The following MLPH variants were observed in gnomAD, a reference collection of about 807,000 sequenced individuals.
The protein encoded by MLPH is melanophilin.
Under a neutral mutation model 72.1 loss-of-function variants are expected in MLPH, and 51 were observed. The observed-to-expected ratio is 0.71, with a 90% CI of 0.56 to 0.89. The LOEUF (loss-of-function observed/expected upper bound fraction) is 0.89, where lower values mean the gene tolerates loss of function less well. Ranked by LOEUF, MLPH falls within the 40% of genes least tolerant of loss-of-function variation. MLPH has a pLI of 0.00. For missense variants in MLPH, 743 were observed against 759.9 expected, an observed-to-expected ratio of 0.98 and a Z score of 0.26; for synonymous variants, 301 against 310.1, an observed-to-expected ratio of 0.97 and a Z score of 0.31.
chr2:237,490,702 AT>A (rs2079412304), intron 1 of MLPH, among the ~76,000 whole-genome samples: 1 of 152,208 alleles, frequency 6.6e-6, no homozygotes. Flanking sequence ...CTCATGAAAA[AT>A]AAAAGTGAAT....
intron 7 of MLPH, among the ~76,000 whole-genome samples, chr2:237,526,533 AT>A (rs1361953494): frequency 6.6e-6 from 1 of 152,192 alleles, no homozygotes; most frequent in East Asian, 1.9e-4. Context: ...AAAAACAATG[AT>A]TAAATGAATC....
chr2:237,552,089 C>A, intron 14 of MLPH: 1 of 477,652 alleles, frequency 2.1e-6, no homozygotes, highest in Non-Finnish European at 3.8e-6. Context: ...GTGAGGATTT[C>A]CAGGGCCACA....
Position 237,512,375 on chromosome 2 carries a change from G to T in MLPH, c.445+1274G>T, listed in dbSNP as rs372800913. On this transcript the variant is annotated intron_variant, in intron 4 of 15. Coordinates refer to ENST00000264605, the MANE Select transcript of MLPH (RefSeq NM_024101.7). The surrounding 1 kb of genome is among the most constrained non-coding windows in gnomAD (Gnocchi z 5.5). ...AGGACAGAGGCCACGGAGAGGCACCGCTGGAGCAGTACACCGCACACCACA... is the reference window on the plus strand; with the variant it reads ...AGGACAGAGGCCACGGAGAGGCACCTCTGGAGCAGTACACCGCACACCACA... Among the ~76,000 whole-genome samples, 1 of 152,300 alleles carries T rather than the reference G, an allele frequency of 6.6e-6. No homozygotes were observed. Among genetic ancestry groups the T allele is most frequent in the South Asian group, 2.1e-4 (1 of 4,816 alleles).
Position 237,525,750 on chromosome 2 carries a change from G to T in MLPH, c.825G>T (p.Glu275Asp), listed in dbSNP as rs531374447. ...ISPSRHGALA[E>D]LCPPGGSHRM... ...CTTCCAGACACGGCGCCCTGGCTGA[G>T]CTCTGCCCGCCTGGAGGCTCCCACA... Residue 275 changes from glutamate (E) to aspartate (D), a missense_variant, in exon 7 of 16, where the codon GAG becomes GAT. Transcript: ENST00000264605. The T allele has an allele frequency of 1.2e-6, 2 of 1,613,950 alleles. No individual in the cohort carries two copies. The highest frequency in any genetic ancestry group is 1.3e-5 in the African/African-American group (1 of 75,054).
chr2:237,545,615 G>T (rs1237916444), intron 12 of MLPH: 11 of 1,286,188 alleles, frequency 8.6e-6, no homozygotes, highest in Non-Finnish European at 1.1e-5. Flanking sequence ...AACGGAGGGC[G>T]CGGGAGGCTC....
intron 2 of MLPH, among the ~76,000 whole-genome samples, chr2:237,504,940 C>T (rs1333583794): frequency 2.0e-5 from 3 of 152,202 alleles, no homozygotes; most frequent in Admixed American, 1.3e-4. Flanking sequence ...GACCCCACCC[C>T]TTGAGCAGCA....
chr2:237,520,093 C>G, intron 6 of MLPH, 64 bp downstream of exon 6: 2 of 1,608,330 alleles, frequency 1.2e-6, no homozygotes, highest in East Asian at 2.2e-5. Flanking sequence ...GTGCTCAGGC[C>G]CCAGGTGAGG....
chr2:237,493,201 T>A (rs947788444), intron 1 of MLPH, among the ~76,000 whole-genome samples: 6 of 152,182 alleles, frequency 3.9e-5, no homozygotes, highest in African/African-American at 1.4e-4. Flanking sequence ...CTTTTAAAAT[T>A]CGAATGTGGG....
chr2:237,493,371 G>A, intron 1 of MLPH, 32 bp from the exon 2 acceptor site: 1 of 1,396,060 alleles, frequency 7.2e-7, no homozygotes, highest in Non-Finnish European at 1.0e-6. Flanking sequence ...AGGCTTCTGG[G>A]ACTGATGACT....
Position 237,553,791 on chromosome 2 carries a change from A to G in MLPH, c.*199A>G, listed in dbSNP as rs1255631325. 2 of 783,024 alleles carry G rather than the reference A, an allele frequency of 2.6e-6. No homozygotes were observed. Among genetic ancestry groups the G allele is most frequent in the Non-Finnish European group, 4.6e-6 (2 of 436,270 alleles). 48.5% of individuals were successfully genotyped at this position (783,024 alleles called of 1,614,324 possible). ...CTGCACTGCTCACCTGGGTTTACTG[A>G]TGACTCCTGGCTGCCCCACCATCCT... is the stretch of plus-strand genomic sequence containing the variant. On this transcript the variant is annotated 3_prime_UTR_variant, in exon 16 of 16. Coordinates refer to ENST00000264605, the MANE Select transcript of MLPH (RefSeq NM_024101.7).
intron 15 of MLPH, among the ~76,000 whole-genome samples, chr2:237,552,854 CCT>C (rs2081066163): frequency 6.6e-6 from 1 of 152,096 alleles, no homozygotes; most frequent in African/African-American, 2.4e-5. Flanking sequence ...TGCGTTCACC[CCT>C]GTGTGTGTGT....
chr2:237,519,164 C>T (rs961536878), intron 5 of MLPH, among the ~76,000 whole-genome samples: 7 of 151,776 alleles, frequency 4.6e-5, no homozygotes, highest in Admixed American at 2.6e-4. Context: ...GCGAGACAAA[C>T]GAGGTAACAC....
In MLPH at chr2:237,500,137, C is replaced by T. The variant is rs138559727; in HGVS notation, c.110+6601C>T. On this transcript the variant is annotated intron_variant, in intron 2 of 15. Transcript: ENST00000264605. ...TGAGCCCTCTCTGGATGTGGCTCTA[C>T]GTCGTGTGTTGGAGTCTAGTCCCTT... Among the ~76,000 whole-genome samples the T allele has an allele frequency of 7.9e-5, 12 of 152,334 alleles. No homozygotes were observed. The East Asian group carries it at 1.7e-3, about 22-fold the overall frequency.
intron 15 of MLPH, chr2:237,553,108 G>T: frequency 2.1e-6 from 1 of 472,454 alleles, no homozygotes; most frequent in Non-Finnish European, 4.4e-6. Flanking sequence ...TGAAGGAGTG[G>T]CCCCAACCAA....
intron 8 of MLPH, among the ~76,000 whole-genome samples, chr2:237,533,390 C>CATTT (rs1553600847): frequency 2.5e-4 from 27 of 107,984 alleles, no homozygotes; most frequent in East Asian, 1.8e-3. Context: ...ATTTTCTTTT[C>CATTT]TTTTTTTTTT....
intron 2 of MLPH, among the ~76,000 whole-genome samples, chr2:237,496,451 C>G (rs2079537832): frequency 6.6e-6 from 1 of 152,182 alleles, no homozygotes; most frequent in Admixed American, 6.5e-5. Flanking sequence ...TTATTTCATG[C>G]TCTTTTCATC....
chr2:237,540,416 G>A lies in MLPH; in HGVS notation c.1173G>A (p.Glu391=). The change falls in exon 10 of 16, where the codon GAG becomes GAA. Residue 391 remains glutamate, a synonymous_variant. Transcript: ENST00000264605. ...AGGCCCTGAGGAGGAAGCTGGAGGAGCTGACCAGCAACGTCAGTGACCAGG... is the reference window on the plus strand; with the variant it reads ...AGGCCCTGAGGAGGAAGCTGGAGGAACTGACCAGCAACGTCAGTGACCAGG... ...EEEALRRKLE[E]LTSNVSDQET... 1.2e-6 allele frequency: 2 copies of A among 1,613,600 alleles called. No individual in the cohort carries two copies.
chr2:237,545,232 T>TG (rs1207166308), intron 12 of MLPH, among the ~76,000 whole-genome samples: 1 of 124,168 alleles, frequency 8.1e-6, no homozygotes, highest in Non-Finnish European at 1.7e-5. Flanking sequence ...CAGTGGTGAG[T>TG]GGGGCACAGT....
chr2:237,534,784 C>A, intron 9 of MLPH, 137 bp downstream of exon 9: 2 of 748,544 alleles, frequency 2.7e-6, no homozygotes, highest in Admixed American at 2.0e-5. Context: ...GTGTGTAGTT[C>A]TCAGAGAGCC....
Sources: allele counts gnomAD v4.1 joint callset (sites outside exome capture counted in the v4.1 genomes callset), GRCh38; gene constraint gnomAD v4.1.1; non-coding constraint Gnocchi (gnomAD v3.1); transcripts MANE v1.5; gene names NCBI Gene and HGNC (gene_info 2026-07-23, HGNC 2026-07-21).